TECRL: variants seen among roughly 807,000 people sequenced by gnomAD.
TECRL encodes the protein trans-2,3-enoyl-CoA reductase-like.
A neutral mutation model predicts 52.8 loss-of-function variants in TECRL; 63 were observed. That is an observed-to-expected ratio of 1.19 (90% CI 0.97 to 1.47). The LOEUF (loss-of-function observed/expected upper bound fraction) is 1.47, where lower values mean the gene tolerates loss of function less well. Among genes scored for constraint, TECRL ranks in the 40% most tolerant of loss-of-function variants. The probability of loss-of-function intolerance (pLI) is 0.00; values close to 1 mark genes in which losing one functional copy is unlikely to be tolerated. For missense variants in TECRL, 482 were observed against 429.6 expected, an observed-to-expected ratio of 1.12 and a Z score of -1.08; for synonymous variants, 164 against 141.9, an observed-to-expected ratio of 1.16 and a Z score of -1.10.
At chr4:64,377,556 T>C (rs1215896521) in intron 1 of TECRL, among the ~76,000 whole-genome samples, 2 of 152,052 alleles carry the variant, frequency 1.3e-5, no homozygotes, top group Non-Finnish European at 2.9e-5. Context: ...ATTTGAAACC[T>C]TAATATTCCC....
chr4:64,314,870 T>C, intron 4 of TECRL, 107 bp from the exon 5 acceptor site: 1 of 772,840 alleles, frequency 1.3e-6, no homozygotes. Context: ...AACAGGTAGA[T>C]TTTTTGTAAC....
intron 6 of TECRL, among the ~76,000 whole-genome samples, chr4:64,308,599 C>A (rs1179250326): frequency 6.6e-6 from 1 of 152,186 alleles, no homozygotes; most frequent in Non-Finnish European, 1.5e-5. Context: ...CAGGTACCCT[C>A]TAGCTGCTGA....
chr4:64,396,269 G>T (rs548595828), intron 1 of TECRL, among the ~76,000 whole-genome samples: 1 of 152,124 alleles, frequency 6.6e-6, no homozygotes, highest in Non-Finnish European at 1.5e-5. Context: ...ATGATTGAAT[G>T]AATGTACATT....
intron 2 of TECRL, among the ~76,000 whole-genome samples, chr4:64,346,806 G>C (rs1313780105): frequency 6.6e-6 from 1 of 152,230 alleles, no homozygotes; most frequent in African/African-American, 2.4e-5. Flanking sequence ...TGCAGCACTG[G>C]ACTGCAAGTT....
chr4:64,285,657 A>G (rs886951686), intron 9 of TECRL, among the ~76,000 whole-genome samples: 6 of 152,310 alleles, frequency 3.9e-5, no homozygotes, highest in Non-Finnish European at 1.5e-5. Flanking sequence ...TTAAAAATTC[A>G]TAATCAAAAG....
intron 1 of TECRL, among the ~76,000 whole-genome samples, chr4:64,396,458 A>T (rs1006100123): frequency 6.6e-6 from 1 of 151,812 alleles, no homozygotes; most frequent in Admixed American, 6.6e-5. Flanking sequence ...CTTGTTGGTT[A>T]TATGTATCTT....
At chr4:64,329,144 A>G (rs282245) in intron 2 of TECRL, among the ~76,000 whole-genome samples, 8,703 of 151,578 alleles carry the variant, frequency 0.057, 375 homozygotes, top group African/African-American at 0.12. Context: ...TAGAAAAATC[A>G]AATCATCTTT....
chr4:64,312,697 G>A (rs1717123547), intron 5 of TECRL, among the ~76,000 whole-genome samples: 1 of 151,314 alleles, frequency 6.6e-6, no homozygotes, highest in African/African-American at 2.4e-5. Flanking sequence ...GCCCTGAAGA[G>A]TGAGGCTGCA....
intron 2 of TECRL, among the ~76,000 whole-genome samples, chr4:64,358,697 T>C (rs1720960422): frequency 6.6e-6 from 1 of 151,782 alleles, no homozygotes; most frequent in Non-Finnish European, 1.5e-5. Context: ...GTATTGAATC[T>C]GATGCCTTCC....
At chr4:64,304,106 CTAT>C in intron 7 of TECRL, among the ~76,000 whole-genome samples, 1 of 151,896 alleles carries the variant, frequency 6.6e-6, no homozygotes, top group East Asian at 1.9e-4. Context: ...AAATTAACTA[CTAT>C]TATTATTTTG....
At chr4:64,362,627 C>CT (rs566996446) in intron 2 of TECRL, among the ~76,000 whole-genome samples, 34,562 of 151,606 alleles carry the variant, frequency 0.23, 4,078 homozygotes, top group Middle Eastern at 0.3. Flanking sequence ...AAAAATAAAA[C>CT]TTTTTTCAGA....
intron 4 of TECRL, among the ~76,000 whole-genome samples, chr4:64,319,767 T>C (rs1056682075): frequency 1.3e-5 from 2 of 151,872 alleles, no homozygotes; most frequent in Non-Finnish European, 1.5e-5. Context: ...TACTCACCAA[T>C]GTAAAGGAAC....
chr4:64,343,884 T>C (rs181787661), intron 2 of TECRL, among the ~76,000 whole-genome samples: 32 of 152,148 alleles, frequency 2.1e-4, no homozygotes, highest in Admixed American at 3.3e-4. Context: ...TCATGGCTTG[T>C]GGAGAACATT....
intron 5 of TECRL, among the ~76,000 whole-genome samples, chr4:64,312,197 A>G (rs1036056121): frequency 1.3e-5 from 2 of 152,178 alleles, no homozygotes; most frequent in South Asian, 2.1e-4. Context: ...TTTGGAGACA[A>G]CATTTTAATG....
intron 3 of TECRL, among the ~76,000 whole-genome samples, chr4:64,326,071 C>A (rs776360095): frequency 3.3e-5 from 5 of 152,006 alleles, no homozygotes; most frequent in Non-Finnish European, 7.4e-5. Flanking sequence ...AATTTCCTGA[C>A]CAAATTAACA....
rs1207245515 is a variant in TECRL at position 64,293,994 on chromosome 4, TA to T, written c.775-4228del. Among the ~76,000 whole-genome samples the T allele has an allele frequency of 3.8e-3, 529 of 138,670 alleles. 6 individuals carry two copies. The highest frequency in any genetic ancestry group is 0.013 in the African/African-American group (495 of 37,438). The allele number at this position is 138,670 out of a possible 152,430, so 91.0% of individuals were successfully genotyped here. Reference sequence around the variant, plus strand: ...TATATATATATAAAATATATATATATATATTTTTTGGAGACGGAATCTTGCT... The same window carrying T: ...TATATATATATAAAATATATATATATTATTTTTTGGAGACGGAATCTTGCT... On this transcript the variant is annotated intron_variant, in intron 8 of 11. Transcript: ENST00000381210.
At chr4:64,317,039 G>A (rs1717544097) in intron 4 of TECRL, among the ~76,000 whole-genome samples, 2 of 152,150 alleles carry the variant, frequency 1.3e-5, no homozygotes, top group Non-Finnish European at 2.9e-5. Flanking sequence ...AGCACTTTGG[G>A]AGGCCGAGGC....
rs1560467456 is a variant in TECRL at position 64,281,558 on chromosome 4, T to C, written c.834A>G (p.Gly278=). ...TTGGACTTGGGAAACAGGCATTGTTTCCTTTTTCAAAGGAAAGTAAAATGT... is the reference window on the plus strand; with the variant it reads ...TTGGACTTGGGAAACAGGCATTGTTCCCTTTTTCAAAGGAAAGTAAAATGT... ...NVMLSHPNHT[G]NNACFPSPNY... Residue 278 remains glycine, a splice_region_variant and synonymous_variant, in exon 10 of 12, where the codon GGA becomes GGG. Coordinates refer to ENST00000381210, the MANE Select transcript of TECRL (RefSeq NM_001010874.5). 1 of 1,584,608 alleles carries C rather than the reference T, an allele frequency of 6.3e-7. No homozygotes were observed. Among genetic ancestry groups the C allele is most frequent in the South Asian group, 1.1e-5 (1 of 88,894 alleles).
Position 64,305,207 on chromosome 4 carries a change from C to G in TECRL, c.689G>C (p.Trp230Ser), listed in dbSNP as rs779124966. 10 of 1,612,440 alleles carry G rather than the reference C, an allele frequency of 6.2e-6. No homozygotes were observed. The South Asian group carries it at 1.1e-4, about 18-fold the overall frequency. ...TGGATGATTAATGTAGTAGGCAATC[C>G]AAGAAGTAAATCCCCAGTAAAAGGC... ...SCAFYWGFTS[W>S]IAYYINHPLY... The change falls in exon 7 of 12, where the codon TGG becomes TCG. Residue 230 changes from tryptophan to serine, a missense_variant. Coordinates refer to ENST00000381210, the MANE Select transcript of TECRL (RefSeq NM_001010874.5).
Sources: allele counts gnomAD v4.1 joint callset (sites outside exome capture counted in the v4.1 genomes callset), GRCh38; gene constraint gnomAD v4.1.1; transcripts MANE v1.5; gene names NCBI Gene and HGNC (gene_info 2026-07-23, HGNC 2026-07-21).